The following RSF1 variants were observed in gnomAD, a reference collection of about 807,000 sequenced individuals.
RSF1 encodes HBV pX-associated protein 8.
In RSF1, 13 loss-of-function variants were observed where a neutral mutation model predicts 145.2. The observed-to-expected ratio is 0.09, with a 90% CI of 0.06 to 0.14. RSF1 has a LOEUF of 0.14. Among genes scored for constraint, RSF1 ranks in the 10% least tolerant of loss-of-function variants. RSF1 has a pLI of 1.00. For synonymous variants in RSF1, 577 were observed against 592.6 expected (o/e 0.97, Z 0.38); for missense variants, 1,517 against 1,718.2 (o/e 0.88, Z 2.07).
intron 5 of RSF1, among the ~76,000 whole-genome samples, chr11:77,721,970 C>T (rs757322827): frequency 3.9e-5 from 6 of 152,054 alleles, no homozygotes; most frequent in South Asian, 2.1e-4. Flanking sequence ...GTCAGGAGTT[C>T]GAGACCAGCC....
chr11:77,801,987 G>C (rs1207688380), intron 1 of RSF1, among the ~76,000 whole-genome samples: 2 of 151,952 alleles, frequency 1.3e-5, no homozygotes, highest in African/African-American at 4.8e-5. Flanking sequence ...GCAACAGAGA[G>C]AGACCCCATT....
the RSF1 span, chr11:77,829,775 T>C: frequency 1.3e-5 from 2 of 152,162 alleles, no homozygotes; most frequent in Non-Finnish European, 2.9e-5. Flanking sequence ...ATTAAAAACT[T>C]GTGTGCTTTA....
chr11:77,791,449 GC>G (rs1328309437), intron 1 of RSF1, among the ~76,000 whole-genome samples: 1 of 152,108 alleles, frequency 6.6e-6, no homozygotes, highest in Non-Finnish European at 1.5e-5. Context: ...TTAACATTTG[GC>G]CCCTCCTTAC....
the RSF1 span, among the ~76,000 whole-genome samples, chr11:77,839,320 G>GTTTT: frequency 6.6e-6 from 1 of 151,930 alleles, no homozygotes; most frequent in Non-Finnish European, 1.5e-5. Flanking sequence ...TTGTTTGTTT[G>GTTTT]TTTTTGTAGA....
the RSF1 span, among the ~76,000 whole-genome samples, chr11:77,846,345 A>G: frequency 6.6e-6 from 1 of 152,188 alleles, no homozygotes; most frequent in African/African-American, 2.4e-5. Context: ...CCAGCTGGGC[A>G]TGGTGGCTCA....
chr11:77,825,972 G>A, the RSF1 span, among the ~76,000 whole-genome samples: 5 of 152,054 alleles, frequency 3.3e-5, no homozygotes, highest in South Asian at 8.3e-4. Flanking sequence ...GATTACAAGC[G>A]TGAGCCACCG....
the RSF1 span, among the ~76,000 whole-genome samples, chr11:77,845,446 G>GC: frequency 6.6e-6 from 1 of 150,786 alleles, no homozygotes; most frequent in Non-Finnish European, 1.5e-5. Context: ...TTTTTTGGTG[G>GC]GGGGGATAGA....
chr11:77,712,483 T>C (rs1960710781), intron 5 of RSF1, among the ~76,000 whole-genome samples: 1 of 152,188 alleles, frequency 6.6e-6, no homozygotes, highest in Admixed American at 6.6e-5. Context: ...AGGTTAACTA[T>C]TTGATTAAGG....
intron 1 of RSF1, among the ~76,000 whole-genome samples, chr11:77,791,100 T>C (rs899787809): frequency 6.6e-6 from 1 of 152,214 alleles, no homozygotes; most frequent in Non-Finnish European, 1.5e-5. Context: ...ACCCACTCCA[T>C]GAGGACCCTG....
intron 4 of RSF1, among the ~76,000 whole-genome samples, chr11:77,732,204 T>C (rs1285074473): frequency 6.6e-6 from 1 of 152,246 alleles, no homozygotes; most frequent in African/African-American, 2.4e-5. Context: ...ATGACTGCCC[T>C]GCTGGATTTC....
At chr11:77,722,312 T>C (rs1960959750) in intron 5 of RSF1, among the ~76,000 whole-genome samples, 1 of 152,226 alleles carries the variant, frequency 6.6e-6, no homozygotes, top group Non-Finnish European at 1.5e-5. Flanking sequence ...CAGCATTCAT[T>C]GAGAAATGTT....
chr11:77,864,675 T>G, the RSF1 span, among the ~76,000 whole-genome samples: 4 of 152,114 alleles, frequency 2.6e-5, no homozygotes, highest in African/African-American at 9.7e-5. Flanking sequence ...GGGCATATGT[T>G]CCTTGAATAG....
intron 1 of RSF1, among the ~76,000 whole-genome samples, chr11:77,802,829 G>C (rs1316680755): frequency 2.0e-5 from 3 of 152,098 alleles, no homozygotes; most frequent in African/African-American, 4.8e-5. Context: ...AGGATTACAG[G>C]AGTGAGCCAC....
the RSF1 span, among the ~76,000 whole-genome samples, chr11:77,836,522 T>C: frequency 2.6e-5 from 4 of 152,284 alleles, no homozygotes; most frequent in Middle Eastern, 6.8e-3. Flanking sequence ...TCTCCAGAAG[T>C]GTGAGAAAAT....
In RSF1 at chr11:77,749,377, T is replaced by A. The variant is rs180706323; in HGVS notation, c.280-2249A>T. Among the ~76,000 whole-genome samples, 287 of 152,306 alleles carry A rather than the reference T, an allele frequency of 1.9e-3. 4 individuals carry two copies. Among genetic ancestry groups the A allele is most frequent in the African/African-American group, 6.7e-3 (279 of 41,562 alleles). Reference sequence around the variant, plus strand: ...ATGCAGAGTCCAGCTATGACCTGAATGAAGCACTTATTGAGTGCTCGGTTG... The same window carrying A: ...ATGCAGAGTCCAGCTATGACCTGAAAGAAGCACTTATTGAGTGCTCGGTTG... On this transcript the variant is annotated intron_variant, in intron 2 of 15. Transcript: ENST00000308488.
At chr11:77,731,044 T>A (rs1451851157) in intron 4 of RSF1, among the ~76,000 whole-genome samples, 2 of 152,058 alleles carry the variant, frequency 1.3e-5, no homozygotes. Context: ...TTGGAAGAGT[T>A]TGGAGGGCTC....
intron 5 of RSF1, among the ~76,000 whole-genome samples, chr11:77,711,565 A>G (rs1439988374): frequency 6.6e-6 from 1 of 152,084 alleles, no homozygotes; most frequent in Non-Finnish European, 1.5e-5. Flanking sequence ...GCTACTCAGG[A>G]GACTGAGGGC....
intron 1 of RSF1, among the ~76,000 whole-genome samples, chr11:77,781,103 T>C (rs549031801): frequency 1.5e-3 from 220 of 144,418 alleles, no homozygotes; most frequent in African/African-American, 5.6e-3. Flanking sequence ...GTTTGAATTG[T>C]CTTTTTTTTT....
At chr11:77,869,721 G>A in the RSF1 span, 7 of 1,613,296 alleles carry the variant, frequency 4.3e-6, no homozygotes, top group Admixed American at 1.7e-5. Flanking sequence ...TCCACATCCA[G>A]CATTCTCCTG....
Sources: allele counts gnomAD v4.1 joint callset (sites outside exome capture counted in the v4.1 genomes callset), GRCh38; gene constraint gnomAD v4.1.1; transcripts MANE v1.5; gene names NCBI Gene and HGNC (gene_info 2026-07-23, HGNC 2026-07-21).